The following GABRB3 variants were observed in gnomAD, a reference collection of about 807,000 sequenced individuals.
The protein encoded by GABRB3 is gamma-aminobutyric acid receptor subunit beta-3.
Under a neutral mutation model 52.1 loss-of-function variants are expected in GABRB3, and 14 were observed. That is an observed-to-expected ratio of 0.27 (90% confidence interval 0.18 to 0.42). GABRB3 has a LOEUF of 0.42. GABRB3 is among the 10% of genes least tolerant of loss of function. GABRB3 has a pLI of 1.00. For missense variants in GABRB3, 307 were observed against 609.1 expected (o/e 0.50, Z 5.22); for synonymous variants, 260 against 232.3 (o/e 1.12, Z -1.08).
chr15:26,555,458 T>C (rs1352344836), intron 8 of GABRB3, among the ~76,000 whole-genome samples: 1 of 152,178 alleles, frequency 6.6e-6, no homozygotes. Flanking sequence ...TCCCCAGCGC[T>C]GTGGCCACTG....
At chr15:26,718,835 G>A (rs1342714919) in intron 3 of GABRB3, among the ~76,000 whole-genome samples, 1 of 151,862 alleles carries the variant, frequency 6.6e-6, no homozygotes, top group Non-Finnish European at 1.5e-5. Flanking sequence ...CTGCTGAAGT[G>A]TGGCCCTCTT....
intron 3 of GABRB3, chr15:26,750,146 G>T (rs1175954293): frequency 6.6e-6 from 1 of 152,190 alleles, no homozygotes; most frequent in Admixed American, 6.5e-5. Context: ...CCAACAGAAA[G>T]AAGGCTGCGA....
intron 3 of GABRB3, among the ~76,000 whole-genome samples, chr15:26,685,271 C>T (rs1211956436): frequency 2.0e-5 from 3 of 152,192 alleles, no homozygotes; most frequent in Non-Finnish European, 4.4e-5. Flanking sequence ...TGTCTGCTTA[C>T]AGGGGAGCCA....
intron 4 of GABRB3, among the ~76,000 whole-genome samples, chr15:26,600,146 A>G (rs1767973534): frequency 6.6e-6 from 1 of 152,084 alleles, no homozygotes; most frequent in Non-Finnish European, 1.5e-5. Context: ...CAGAAGAAAG[A>G]ATCAGTAAGC....
intron 4 of GABRB3, among the ~76,000 whole-genome samples, chr15:26,591,291 C>T (rs534544798): frequency 1.3e-5 from 2 of 152,292 alleles, no homozygotes; most frequent in South Asian, 2.1e-4. Flanking sequence ...CATACAGAAG[C>T]ATAAATTCTC....
At position 26,622,097 on chromosome 15, in the gene GABRB3, T is replaced by G. The variant is rs1892505141; in HGVS notation, c.241-563A>C. On this transcript the variant is annotated intron_variant, in intron 3 of 8. Coordinates refer to ENST00000311550, the MANE Select transcript of GABRB3 (RefSeq NM_000814.6). The stretch of plus-strand genomic sequence containing the variant: ...ATTGTATTTCCTTTTTCCTCCAGCT[T>G]GCCGTGGCCATTTCTACATTAACTG... Among the ~76,000 whole-genome samples, 3 of 152,112 alleles carry G rather than the reference T, an allele frequency of 2.0e-5. No homozygotes were observed. The South Asian group carries it at 6.2e-4, about 31-fold the overall frequency.
chr15:26,729,866 T>C (rs1889863649), intron 3 of GABRB3, among the ~76,000 whole-genome samples: 1 of 152,210 alleles, frequency 6.6e-6, no homozygotes, highest in African/African-American at 2.4e-5. Flanking sequence ...ACTTGCATGT[T>C]TGTTTGTAGT....
chr15:26,609,921 A>G (rs964453800), intron 4 of GABRB3, among the ~76,000 whole-genome samples: 2 of 152,130 alleles, frequency 1.3e-5, no homozygotes, highest in African/African-American at 4.8e-5. Context: ...TAACCATAGA[A>G]ATTGACCCTC....
At chr15:26,701,118 C>T (rs1002757144) in intron 3 of GABRB3, among the ~76,000 whole-genome samples, 2 of 151,932 alleles carry the variant, frequency 1.3e-5, no homozygotes, top group Admixed American at 6.6e-5. Context: ...CAACTTGAGA[C>T]AGAGCATCTG....
chr15:26,764,167 AAAAAAAAAAAAAATATATATATATAT>A (rs1890910432), intron 3 of GABRB3, among the ~76,000 whole-genome samples: 2 of 25,838 alleles, frequency 7.7e-5, no homozygotes, highest in Non-Finnish European at 1.5e-4. Flanking sequence ...AAAAAAAAAA[AAAAAAAAAAAAAATATATATATATAT>A]ATATATATAT....
intron 3 of GABRB3, among the ~76,000 whole-genome samples, chr15:26,770,407 G>A (rs971700113): frequency 6.6e-6 from 1 of 152,170 alleles, no homozygotes; most frequent in African/African-American, 2.4e-5. Flanking sequence ...TCAATACAAT[G>A]GCCTGTATCT....
chr15:26,714,339 G>GT (rs2140134090), intron 3 of GABRB3, among the ~76,000 whole-genome samples: 1 of 152,302 alleles, frequency 6.6e-6, no homozygotes, highest in Admixed American at 6.5e-5. Flanking sequence ...AATTTAGAAA[G>GT]TTTATTTTGC....
At chr15:26,663,594 G>A (rs1205319427) in intron 3 of GABRB3, among the ~76,000 whole-genome samples, 1 of 152,080 alleles carries the variant, frequency 6.6e-6, no homozygotes, top group Non-Finnish European at 1.5e-5. Context: ...TACCTGTGCT[G>A]TCATGTTTGA....
chr15:26,638,683 G>A (rs1351760785), intron 3 of GABRB3, among the ~76,000 whole-genome samples: 1 of 152,120 alleles, frequency 6.6e-6, no homozygotes, highest in African/African-American at 2.4e-5. Flanking sequence ...AGGAGGTAAA[G>A]CCCAAGCCTG....
chr15:26,591,695 T>A (rs1891212333), intron 4 of GABRB3, among the ~76,000 whole-genome samples: 1 of 152,162 alleles, frequency 6.6e-6, no homozygotes. Flanking sequence ...CTTGAAAGAA[T>A]CACTAAAGTA....
intron 3 of GABRB3, among the ~76,000 whole-genome samples, chr15:26,749,015 A>C (rs1890427433): frequency 6.7e-6 from 1 of 150,240 alleles, no homozygotes; most frequent in Non-Finnish European, 1.5e-5. Flanking sequence ...ATAGAATGAG[A>C]CTCCATCTCA....
chr15:26,607,699 AT>A (rs1472743092), intron 4 of GABRB3, among the ~76,000 whole-genome samples: 16 of 152,272 alleles, frequency 1.1e-4, no homozygotes, highest in African/African-American at 3.6e-4. Flanking sequence ...TCTGAAAAAA[AT>A]AATCAAGGGA....
At chr15:26,662,334 G>A (rs974038178) in intron 3 of GABRB3, among the ~76,000 whole-genome samples, 1 of 152,196 alleles carries the variant, frequency 6.6e-6, no homozygotes, top group Admixed American at 6.5e-5. Flanking sequence ...ACTCTCTATT[G>A]GGTTGGGCAG....
intron 3 of GABRB3, among the ~76,000 whole-genome samples, chr15:26,650,097 G>C (rs978177420): frequency 6.6e-6 from 1 of 151,942 alleles, no homozygotes; most frequent in African/African-American, 2.4e-5. Flanking sequence ...AATGAGCTTG[G>C]AATAATCACC....
Sources: allele counts gnomAD v4.1 joint callset (sites outside exome capture counted in the v4.1 genomes callset), GRCh38; gene constraint gnomAD v4.1.1; transcripts MANE v1.5; gene names NCBI Gene and HGNC (gene_info 2026-07-23, HGNC 2026-07-21).